Variants in LRP1B observed in about 807,000 individuals in gnomAD.
The protein encoded by LRP1B is LDL receptor related protein 1B, also known as low-density lipoprotein receptor-related protein 1B.
Under a neutral mutation model 556.6 loss-of-function variants are expected in LRP1B, and 217 were observed. The observed-to-expected ratio is 0.39, with a 90% CI of 0.35 to 0.44. The LOEUF (loss-of-function observed/expected upper bound fraction) is 0.44, where lower values mean the gene tolerates loss of function less well. Ranked by LOEUF, LRP1B falls within the 20% of genes least tolerant of loss-of-function variation. The pLI, the probability that LRP1B is intolerant of heterozygous loss-of-function variation, is 1.00. For synonymous variants in LRP1B, 2,047 were observed against 1,865.8 expected (o/e 1.10, Z -2.50); for missense variants, 5,053 against 5,620.8 (o/e 0.90, Z 3.23).
intron 1 of LRP1B, among the ~76,000 whole-genome samples, chr2:141,968,861 C>G (rs534052362): frequency 1.8e-4 from 28 of 151,788 alleles, no homozygotes; most frequent in Non-Finnish European, 3.1e-4. Context: ...TAATCTCTAC[C>G]GCATTATTAA....
chr2:141,606,048 T>C (rs929297953), intron 2 of LRP1B, among the ~76,000 whole-genome samples: 9 of 152,172 alleles, frequency 5.9e-5, no homozygotes, highest in Admixed American at 2.6e-4. Flanking sequence ...TTGAAGCAAT[T>C]TATGTCTTTC....
At chr2:141,820,884 T>C (rs999192700) in intron 1 of LRP1B, among the ~76,000 whole-genome samples, 3 of 152,210 alleles carry the variant, frequency 2.0e-5, no homozygotes, top group Admixed American at 6.5e-5. Context: ...ATTCCTGGAA[T>C]CTGTGAATAT....
chr2:142,104,639 C>T (rs190009827), intron 1 of LRP1B, among the ~76,000 whole-genome samples: 55 of 152,240 alleles, frequency 3.6e-4, no homozygotes, highest in Admixed American at 1.2e-3. Context: ...ACTGTGTTTG[C>T]ATTGGAGCTT....
chr2:140,506,488 C>G (rs552344453), intron 53 of LRP1B, among the ~76,000 whole-genome samples: 20 of 152,244 alleles, frequency 1.3e-4, no homozygotes, highest in Admixed American at 1.0e-3. Flanking sequence ...AGGTGATCCA[C>G]CCGCCTCAGC....
intron 3 of LRP1B, among the ~76,000 whole-genome samples, chr2:141,475,148 G>A (rs1682649849): frequency 6.6e-6 from 1 of 152,070 alleles, no homozygotes; most frequent in African/African-American, 2.4e-5. Context: ...CAACGCAGGT[G>A]GATCACTTTA....
chr2:141,371,856 AT>A (rs34091423), intron 3 of LRP1B, among the ~76,000 whole-genome samples: 2 of 151,394 alleles, frequency 1.3e-5, no homozygotes, highest in African/African-American at 2.4e-5. Flanking sequence ...TGATATTTTT[AT>A]TTTTTTTCTC....
intron 2 of LRP1B, among the ~76,000 whole-genome samples, chr2:141,484,814 G>T (rs1469065309): frequency 3.9e-5 from 6 of 152,172 alleles, no homozygotes; most frequent in Middle Eastern, 3.4e-3. Context: ...CGTTGATTTT[G>T]TATCCTGAGA....
chr2:140,814,286 C>G (rs1235347390), intron 31 of LRP1B, among the ~76,000 whole-genome samples: 1 of 152,122 alleles, frequency 6.6e-6, no homozygotes, highest in Non-Finnish European at 1.5e-5. Flanking sequence ...CCAACATAAA[C>G]AGTTTCAACC....
intron 23 of LRP1B, among the ~76,000 whole-genome samples, chr2:140,897,381 G>A (rs916781699): frequency 1.3e-5 from 2 of 152,028 alleles, no homozygotes; most frequent in South Asian, 2.1e-4. Flanking sequence ...TTCCCAGAGC[G>A]AGTCATAGAC....
At chr2:140,488,065 TTTAGG>T (rs1415171822) in intron 57 of LRP1B, among the ~76,000 whole-genome samples, 1 of 151,992 alleles carries the variant, frequency 6.6e-6, no homozygotes, top group Non-Finnish European at 1.5e-5. Flanking sequence ...GAATTTCCAC[TTTAGG>T]TTAATATGAA....
At chr2:140,956,086 T>C (rs16845014) in intron 18 of LRP1B, among the ~76,000 whole-genome samples, 14,135 of 151,694 alleles carry the variant, frequency 0.093, 768 homozygotes, top group East Asian at 0.19. Context: ...AAGTATTATC[T>C]TCACCTGAAA....
At chr2:141,819,360 G>C (rs79075324) in intron 1 of LRP1B, among the ~76,000 whole-genome samples, 2,516 of 152,282 alleles carry the variant, frequency 0.017, 82 homozygotes, top group African/African-American at 0.058. Context: ...TTACTTTGCT[G>C]TATGAATTGT....
chr2:142,025,522 G>A (rs1182654457), intron 1 of LRP1B, among the ~76,000 whole-genome samples: 3 of 152,160 alleles, frequency 2.0e-5, no homozygotes, highest in African/African-American at 7.2e-5. Flanking sequence ...GAATGATAGT[G>A]TGGTATTAAC....
At chr2:141,137,089 A>T (rs894057382) in intron 7 of LRP1B, among the ~76,000 whole-genome samples, 5 of 152,004 alleles carry the variant, frequency 3.3e-5, no homozygotes, top group African/African-American at 1.2e-4. Flanking sequence ...ATCACATGAA[A>T]TGAGAATTGA....
intron 19 of LRP1B, among the ~76,000 whole-genome samples, chr2:140,951,291 C>A (rs73964755): frequency 6.6e-6 from 1 of 151,974 alleles, no homozygotes; most frequent in African/African-American, 2.4e-5. Flanking sequence ...GATTTATATT[C>A]TTTATTAACA....
intron 2 of LRP1B, among the ~76,000 whole-genome samples, chr2:141,715,332 G>A (rs1692540471): frequency 6.6e-6 from 1 of 152,030 alleles, no homozygotes; most frequent in Non-Finnish European, 1.5e-5. Flanking sequence ...TCAGCCTGAT[G>A]TGGGGGTATG....
At chr2:141,877,034 T>G (rs1199328874) in intron 1 of LRP1B, among the ~76,000 whole-genome samples, 1 of 152,016 alleles carries the variant, frequency 6.6e-6, no homozygotes, top group Admixed American at 6.6e-5. Context: ...CATCTTTTAA[T>G]GAAGACTTTT....
At chr2:140,452,059 T>C (rs1686906867) in intron 62 of LRP1B, among the ~76,000 whole-genome samples, 1 of 152,126 alleles carries the variant, frequency 6.6e-6, no homozygotes, top group African/African-American at 2.4e-5. Context: ...CAATATTTAT[T>C]TACTTACAGG....
At chr2:140,349,434 AAAT>A (rs1681858221) in intron 77 of LRP1B, among the ~76,000 whole-genome samples, 2 of 152,028 alleles carry the variant, frequency 1.3e-5, no homozygotes, top group African/African-American at 4.8e-5. Context: ...GCATCCATCT[AAAT>A]AATACTTCCT....
Sources: gnomAD v4.1 joint callset for allele counts (sites outside exome capture counted in the v4.1 genomes callset) on GRCh38, gnomAD v4.1.1 for gene constraint, MANE v1.5 for transcripts, NCBI Gene and HGNC (gene_info 2026-07-23, HGNC 2026-07-21) for gene names.